The following MUC6 variants were observed in gnomAD, a reference collection of about 807,000 sequenced individuals.
MUC6 encodes the protein mucin-6.
MUC6 carries 188 observed loss-of-function variants against 201.5 expected under a neutral mutation model. The observed-to-expected ratio is 0.93, with a 90% confidence interval of 0.83 to 1.05. The LOEUF is 1.05. MUC6 is among the 50% of genes least tolerant of loss of function. The probability of loss-of-function intolerance (pLI) is 0.00; values close to 1 mark genes in which losing one functional copy is unlikely to be tolerated. For missense variants in MUC6, 2,706 were observed against 3,256.9 expected (o/e 0.83, Z 4.12); for synonymous variants, 1,228 against 1,389.4 (o/e 0.88, Z 2.58).
intron 19 of MUC6, 125 bp from the exon 20 acceptor site, chr11:1,026,603 G>C: frequency 1.7e-6 from 2 of 1,192,874 alleles, no homozygotes; most frequent in South Asian, 3.3e-5. Context: ...GCCCTGCTCT[G>C]TGGCCTTTGT....
chr11:1,031,780 C>G, intron 3 of MUC6, 33 bp downstream of exon 3: 1 of 1,558,360 alleles, frequency 6.4e-7, no homozygotes, highest in Non-Finnish European at 8.7e-7. Context: ...CCTCCGGCCC[C>G]CGAGCCCCCG....
In MUC6 at chr11:1,020,139, G is replaced by A; in HGVS notation, c.3759C>T (p.Pro1253=). The A allele has an allele frequency of 6.2e-7, 1 of 1,613,380 alleles. No individual in the cohort carries two copies. The highest frequency in any genetic ancestry group is 2.2e-5 in the East Asian group (1 of 44,864). The change falls in exon 29 of 33, where the codon CCC becomes CCT. Residue 1253 remains proline (P), a synonymous_variant. Coordinates refer to ENST00000421673, the MANE Select transcript of MUC6 (RefSeq NM_005961.3). ...AGGATGTGAGCGTGGCTGGAAGGAG[G>A]GGTGTCTGGGTGGGGCTGGCAGGGG... ...NHTPASPTQT[P]LLPATLTSSK...
At chr11:1,023,392 GAATT>G (rs747114519) in intron 26 of MUC6, 113 bp downstream of exon 26, 79 of 1,284,992 alleles carry the variant, frequency 6.1e-5, no homozygotes, top group East Asian at 2.5e-4. Flanking sequence ...ATGAATGTGT[GAATT>G]AATGAGCATG....
chr11:1,031,330 T>A (rs1857099115), intron 4 of MUC6, 71 bp from the exon 5 acceptor site: 1 of 1,406,308 alleles, frequency 7.1e-7, no homozygotes, highest in Non-Finnish European at 9.6e-7. Flanking sequence ...GGCTCTCAGT[T>A]CCTGCTCCTG....
chr11:1,036,331 C>G (rs1564848016), intron 1 of MUC6, among the ~76,000 whole-genome samples: 1 of 152,194 alleles, frequency 6.6e-6, no homozygotes, highest in Non-Finnish European at 1.5e-5. Context: ...GCTGAGCGTC[C>G]TCCCCCGCTG....
At position 1,013,347 on chromosome 11, in the gene MUC6, C is replaced by T. The variant is rs1856520917; in HGVS notation, c.*109G>A. On this transcript the variant is annotated 3_prime_UTR_variant, in exon 33 of 33. Transcript: ENST00000421673. ...GGCCCAGGGCACTTGGGGGCCAGGC[C>T]TGGTGACCAGGAAAGCAGCTGCTGG... 1 of 1,250,842 alleles carries T rather than the reference C, an allele frequency of 8.0e-7. No individual in the cohort carries two copies. Among genetic ancestry groups the T allele is most frequent in the East Asian group, 2.6e-5 (1 of 38,484 alleles). The allele number at this position is 1,250,842 out of a possible 1,614,324, so 77.5% of individuals were successfully genotyped here.
chr11:1,024,383 C>T (rs1308119103), intron 24 of MUC6, among the ~76,000 whole-genome samples: 1 of 152,242 alleles, frequency 6.6e-6, no homozygotes, highest in Admixed American at 6.5e-5. Flanking sequence ...CACCCAGGGT[C>T]TCTGCTCCCC....
intron 25 of MUC6, 91 bp downstream of exon 25, chr11:1,023,856 G>T: frequency 6.6e-7 from 1 of 1,507,812 alleles, no homozygotes; most frequent in Non-Finnish European, 8.9e-7. Flanking sequence ...TCCAGGGAGA[G>T]GGGCCTGTGG....
In MUC6 at chr11:1,026,380, G is replaced by T. The variant is rs1426016369; in HGVS notation, c.2493C>A (p.Phe831Leu). The T allele has an allele frequency of 1.2e-6, 2 of 1,607,134 alleles. No homozygotes were observed. Among genetic ancestry groups the T allele is most frequent in the East Asian group, 4.5e-5 (2 of 44,794 alleles). ...CTCCTCCAGGGTAGGAGACCCCCGA[G>T]AACTCACATGGGCACTCCTCGGGGG... ...CVPPEECPCEFSGVSYPGGAE... is the reference protein window; with the variant it reads ...CVPPEECPCELSGVSYPGGAE... Residue 831 changes from phenylalanine (F) to leucine (L), a missense_variant, in exon 20 of 33, where the codon TTC (phenylalanine) becomes TTA (leucine). Coordinates refer to ENST00000421673, the MANE Select transcript of MUC6 (RefSeq NM_005961.3).
At position 1,036,703 on chromosome 11, in the gene MUC6, T is replaced by C. The variant is rs1257704265; in HGVS notation, c.-48A>G. 1 of 1,533,436 alleles carries C rather than the reference T, an allele frequency of 6.5e-7. No homozygotes were observed. The highest frequency in any genetic ancestry group is 2.0e-5 in the Admixed American group (1 of 50,650). The allele number at this position is 1,533,436 out of a possible 1,614,324, so 95.0% of individuals were successfully genotyped here. A position where few individuals can be genotyped will look rare whatever the true frequency, so the allele number is the denominator to read the frequency against. Reference sequence around the variant, plus strand: ...GCGCTGGGCCCGGCAGGCCTGCTGCTGCCATCCATGCGGCTCCAACGGCCG... The same window carrying C: ...GCGCTGGGCCCGGCAGGCCTGCTGCCGCCATCCATGCGGCTCCAACGGCCG... On this transcript the variant is annotated 5_prime_UTR_variant, in exon 1 of 33. Coordinates refer to ENST00000421673, the MANE Select transcript of MUC6 (RefSeq NM_005961.3).
At chr11:1,032,853 T>C (rs1030392118) in intron 2 of MUC6, among the ~76,000 whole-genome samples, 160 bp downstream of exon 2, 3 of 151,524 alleles carry the variant, frequency 2.0e-5, no homozygotes, top group African/African-American at 4.9e-5. Context: ...ATATTGGGTA[T>C]GTGTGTGTGT....
rs905565696 is a variant in MUC6 at position 1,016,457 on chromosome 11, C to G, written c.6344G>C (p.Ser2115Thr). ...TGTGGAAACAGGAGTGGTTGCAGAA[C>G]TCAAGTGGGGGAGTTGTGTGGTGAT... ...SPITTQLPHL[S>T]SATTPVSTTN... The change falls in exon 31 of 33, where the codon AGT becomes ACT. Residue 2115 changes from serine to threonine, a missense_variant. By Grantham distance (58) the Ser-to-Thr change is moderately conservative. Transcript: ENST00000421673. The G allele has an allele frequency of 2.7e-5, 44 of 1,613,754 alleles. No homozygotes were observed. The highest frequency in any genetic ancestry group is 3.6e-5 in the Non-Finnish European group (42 of 1,179,870).
Position 1,028,073 on chromosome 11 carries a change from G to GC in MUC6, c.1754-15dup. 6.4e-7 allele frequency: 1 copy of GC among 1,559,780 alleles called. No individual in the cohort carries two copies. The highest frequency in any genetic ancestry group is 8.7e-7 in the Non-Finnish European group (1 of 1,152,316). ...CTGCACACACCTCTGGGGATGACAGGCCCGGGCGTGAGTCCCGGCCCCTCC... is the reference window on the plus strand; with the variant it reads ...CTGCACACACCTCTGGGGATGACAGGCCCCGGGCGTGAGTCCCGGCCCCTCC... On this transcript the variant is annotated splice_polypyrimidine_tract_variant and intron_variant, in intron 14 of 32. Transcript: ENST00000421673.
Position 1,027,279 on chromosome 11 carries a change from G to C in MUC6, c.2220C>G (p.Asn740Lys). The change falls in exon 17 of 33, where the codon AAC becomes AAG. Residue 740 changes from asparagine to lysine, a missense_variant. Asn to Lys is a moderately conservative substitution (Grantham distance 94). Around this residue, in one of 10 missense-constraint regions of MUC6, gnomAD observed 1,850 missense variants for 1,958.3 expected, o/e 0.94. Coordinates refer to ENST00000421673, the MANE Select transcript of MUC6 (RefSeq NM_005961.3). ...GCCCGGTCCCTCACCAGGTGATGCC[G>C]TTGATGACAGTGGACTGCTCGGCCA... ...FILAEQSTVINGITCHCINGR... is the reference protein window; with the variant it reads ...FILAEQSTVIKGITCHCINGR... 6.2e-7 allele frequency: 1 copy of C among 1,612,400 alleles called. No homozygotes were observed. Among genetic ancestry groups the C allele is most frequent in the Non-Finnish European group, 8.5e-7 (1 of 1,179,814 alleles).
chr11:1,030,265 G>A lies in MUC6; in HGVS notation c.963C>T (p.Asn321=). The A allele has an allele frequency of 6.5e-7, 1 of 1,550,220 alleles. No homozygotes were observed. Among genetic ancestry groups the A allele is most frequent in the Non-Finnish European group, 8.7e-7 (1 of 1,147,112 alleles). ...AGGAGCTGGAGCAGCTGTGCTGCGG[G>A]TTGGAGCAGGTCTTCACGCAGGCCG... ...CGSACVKTCS[N]PQHSCSSSCT... The change falls in exon 8 of 33, where the codon AAC becomes AAT. Residue 321 remains asparagine (N), a synonymous_variant. Coordinates refer to ENST00000421673, the MANE Select transcript of MUC6 (RefSeq NM_005961.3).
intron 24 of MUC6, 129 bp from the exon 25 acceptor site, chr11:1,024,232 G>A (rs1032288508): frequency 6.3e-6 from 7 of 1,105,938 alleles, no homozygotes; most frequent in South Asian, 4.5e-5. Context: ...CTGGGTGAGC[G>A]GCACCACGTG....
intron 1 of MUC6, among the ~76,000 whole-genome samples, chr11:1,034,513 G>A (rs570240700): frequency 1.3e-5 from 2 of 152,236 alleles, no homozygotes; most frequent in South Asian, 2.1e-4. Flanking sequence ...GCAGCACACC[G>A]AACCCTCAGC....
At chr11:1,035,714 G>A (rs1029950194) in intron 1 of MUC6, among the ~76,000 whole-genome samples, 15 of 152,114 alleles carry the variant, frequency 9.9e-5, no homozygotes, top group Non-Finnish European at 1.6e-4. Context: ...CTCTGAGCCC[G>A]AGGCGCCCAG....
intron 26 of MUC6, 129 bp downstream of exon 26, chr11:1,023,376 AAATT>A (rs1397267001): frequency 8.4e-6 from 10 of 1,191,818 alleles, no homozygotes; most frequent in East Asian, 2.6e-5. Flanking sequence ...GAATGTGTGC[AAATT>A]AATGAATGTG....
Sources: allele counts gnomAD v4.1 joint callset (sites outside exome capture counted in the v4.1 genomes callset), GRCh38; gene constraint gnomAD v4.1.1; regional missense constraint gnomAD v4.1.1; transcripts MANE v1.5; gene names NCBI Gene and HGNC (gene_info 2026-07-23, HGNC 2026-07-21).